CCNB1: variants seen among roughly 807,000 people sequenced by gnomAD.
The protein encoded by CCNB1 is cyclin B1.
In CCNB1, 26 loss-of-function variants were observed where a neutral mutation model predicts 44.4. The ratio of observed to expected loss-of-function variants is 0.59; its 90% CI spans 0.43 to 0.81. The LOEUF is 0.81. Ranked by LOEUF, CCNB1 falls within the 40% of genes least tolerant of loss-of-function variation. CCNB1 has a pLI of 0.00. For missense variants in CCNB1, 477 were observed against 520.9 expected (o/e 0.92, Z 0.82); for synonymous variants, 195 against 181.4 (o/e 1.08, Z -0.60).
chr5:69,177,048 G>A (rs1379007473), intron 7 of CCNB1, 191 bp from the exon 8 acceptor site: 2 of 434,958 alleles, frequency 4.6e-6, no homozygotes, highest in Non-Finnish European at 8.2e-6. Flanking sequence ...AATTACAAAA[G>A]TGCAATTAGG....
rs573291891 is a variant in CCNB1 at position 69,168,443 on chromosome 5, CATTT to C, written c.363+104_363+107del. On this transcript the variant is annotated intron_variant, in intron 3 of 8. Coordinates refer to ENST00000256442, the MANE Select transcript of CCNB1 (RefSeq NM_031966.4). ...TTCAAATGAATAGTAATATTAATACCATTTATTGAGTGCTTAGCATGAGGCAAGC... is the reference window on the plus strand; with the variant it reads ...TTCAAATGAATAGTAATATTAATACCATTGAGTGCTTAGCATGAGGCAAGC... 35 of 1,390,450 alleles carry C rather than the reference CATTT, an allele frequency of 2.5e-5. No individual in the cohort carries two copies. In the South Asian group the frequency reaches 3.9e-4, roughly 16 times the overall value. 86.1% of individuals were successfully genotyped at this position (1,390,450 alleles called of 1,614,324 possible).
At chr5:69,171,244 A>G (rs1351170584) in intron 3 of CCNB1, 26 bp from the exon 4 acceptor site, 24 of 1,578,702 alleles carry the variant, frequency 1.5e-5, no homozygotes, top group East Asian at 1.1e-4. Context: ...TCTATTTGCT[A>G]TTTCAAGATA....
chr5:69,176,526 T>TTA (rs200033469), intron 7 of CCNB1, among the ~76,000 whole-genome samples: 49 of 130,862 alleles, frequency 3.7e-4, no homozygotes, highest in Non-Finnish European at 4.9e-4. Flanking sequence ...CCGGCTAATT[T>TTA]TATATATATA....
In CCNB1 at chr5:69,168,243, T is replaced by C. The variant is rs1481436528; in HGVS notation, c.263T>C (p.Met88Thr). ...KLPKPLEKVP[M>T]LVPVPVSEPV... ...CCAAAACCTCTTGAAAAGGTACCTA[T>C]GCTGGTGCCAGTGCCAGTGTCTGAG... The change falls in exon 3 of 9, where the codon ATG becomes ACG. Residue 88 changes from methionine (M) to threonine (T), a missense_variant. Met to Thr is a moderately conservative substitution (Grantham distance 81). Coordinates refer to ENST00000256442, the MANE Select transcript of CCNB1 (RefSeq NM_031966.4). 1.2e-6 allele frequency: 2 copies of C among 1,614,034 alleles called. No individual in the cohort carries two copies. The highest frequency in any genetic ancestry group is 1.7e-6 in the Non-Finnish European group (2 of 1,179,990).
At chr5:69,172,598 T>A (rs1001647904) in intron 4 of CCNB1, among the ~76,000 whole-genome samples, 2 of 151,958 alleles carry the variant, frequency 1.3e-5, no homozygotes, top group Admixed American at 1.3e-4. Context: ...ATCACTGACA[T>A]GTTCATCTCT....
At position 69,167,973 on chromosome 5, in the gene CCNB1, G is replaced by C. The variant is rs767702393; in HGVS notation, c.87G>C (p.Thr29=). The stretch of plus-strand genomic sequence containing the variant: ...TGGCAGGCGCAAAGCGCGTTCCTAC[G>C]GCCCCTGCTGCAACCTCCAAGCCCG... ...INMAGAKRVP[T]APAATSKPGL... is the part of the protein sequence containing the mutation. The change falls in exon 2 of 9, where the codon ACG becomes ACC. Residue 29 remains threonine (T), a synonymous_variant. Transcript: ENST00000256442. 1.2e-6 allele frequency: 2 copies of C among 1,613,964 alleles called. No individual in the cohort carries two copies. The highest frequency in any genetic ancestry group is 1.3e-5 in the African/African-American group (1 of 74,918).
chr5:69,174,301 A>T lies in CCNB1; in HGVS notation c.597A>T (p.Gly199=). The part of the protein sequence containing the change: ...PKYLLGREVT[G]NMRAILIDWL... ...ACCTACTGGGTCGGGAAGTCACTGG[A>T]AACATGAGAGCCATCCTAATTGACT... is the stretch of plus-strand genomic sequence containing the variant. Residue 199 remains glycine (G), a synonymous_variant, in exon 5 of 9, where the codon GGA becomes GGT. Transcript: ENST00000256442. The T allele has an allele frequency of 3.7e-6, 6 of 1,614,140 alleles. No individual in the cohort carries two copies. The highest frequency in any genetic ancestry group is 1.3e-5 in the African/African-American group (1 of 75,054).
In CCNB1 at chr5:69,175,503, G is replaced by C. The variant is rs1390023258; in HGVS notation, c.1049G>C (p.Cys350Ser). ...PPSQIAAGAF[C>S]LALKILDNGE... is the part of the protein sequence containing the mutation. ...TCTCAAATTGCAGCAGGAGCTTTTTGCTTAGCACTGAAAATTCTGGATAAT... is the reference window on the plus strand; with the variant it reads ...TCTCAAATTGCAGCAGGAGCTTTTTCCTTAGCACTGAAAATTCTGGATAAT... Residue 350 changes from cysteine (C) to serine (S), a missense_variant, in exon 7 of 9, where the codon TGC becomes TCC. Cys to Ser is a moderately radical substitution (Grantham distance 112). Transcript: ENST00000256442. The C allele has an allele frequency of 6.2e-7, 1 of 1,614,016 alleles. No homozygotes were observed. The highest frequency in any genetic ancestry group is 2.2e-5 in the East Asian group (1 of 44,890).
At chr5:69,171,632 A>G (rs543622757) in intron 4 of CCNB1, among the ~76,000 whole-genome samples, 180 bp downstream of exon 4, 8 of 152,300 alleles carry the variant, frequency 5.3e-5, no homozygotes, top group East Asian at 1.9e-4. Context: ...AATGGAGTCT[A>G]TTTGTCACTT....
intron 7 of CCNB1, 78 bp downstream of exon 7, chr5:69,175,615 G>T (rs751175918): frequency 4.1e-5 from 56 of 1,361,394 alleles, no homozygotes; most frequent in Non-Finnish European, 5.5e-5. Flanking sequence ...TTATTAAAAG[G>T]CAATTCAAGT....
chr5:69,167,441 AG>A, intron 1 of CCNB1, 158 bp downstream of exon 1: 1 of 695,418 alleles, frequency 1.4e-6, no homozygotes, highest in Non-Finnish European at 2.5e-6. Context: ...AGGTGGGCCC[AG>A]GCCTGGTGAG....
chr5:69,171,845 A>G (rs550941086), intron 4 of CCNB1, among the ~76,000 whole-genome samples: 1 of 152,330 alleles, frequency 6.6e-6, no homozygotes, highest in African/African-American at 2.4e-5. Flanking sequence ...CCCTAACACA[A>G]GGCATTTTGT....
At chr5:69,169,077 A>G (rs1161804550) in intron 3 of CCNB1, among the ~76,000 whole-genome samples, 1 of 152,046 alleles carries the variant, frequency 6.6e-6, no homozygotes, top group African/African-American at 2.4e-5. Context: ...AATTATCTGA[A>G]AAAAACTTGT....
At chr5:69,172,024 T>C (rs1747470473) in intron 4 of CCNB1, among the ~76,000 whole-genome samples, 1 of 152,250 alleles carries the variant, frequency 6.6e-6, no homozygotes, top group Non-Finnish European at 1.5e-5. Flanking sequence ...TATGGCAGCA[T>C]AAACATAGTA....
chr5:69,174,474 T>G, intron 5 of CCNB1, 65 bp downstream of exon 5: 1 of 1,515,278 alleles, frequency 6.6e-7, no homozygotes, highest in African/African-American at 1.4e-5. Context: ...ACTGATGTTT[T>G]CAGGCCAGTC....
intron 3 of CCNB1, among the ~76,000 whole-genome samples, chr5:69,170,013 G>GA (rs1026046561): frequency 6.6e-6 from 1 of 151,234 alleles, no homozygotes; most frequent in African/African-American, 2.4e-5. Flanking sequence ...ACCCAGGCTG[G>GA]AGCACAATGG....
intron 3 of CCNB1, among the ~76,000 whole-genome samples, chr5:69,171,044 T>G (rs1747447807): frequency 6.6e-6 from 1 of 152,122 alleles, no homozygotes; most frequent in African/African-American, 2.4e-5. Flanking sequence ...AGTGCTGAGA[T>G]TAAAGGTGTG....
At chr5:69,168,624 C>T (rs527519308) in intron 3 of CCNB1, among the ~76,000 whole-genome samples, 44 of 152,332 alleles carry the variant, frequency 2.9e-4, no homozygotes, top group South Asian at 6.2e-4. Context: ...CTCAGGCTGT[C>T]TGGCTTCAGA....
chr5:69,172,754 G>C (rs1401260132), intron 4 of CCNB1, among the ~76,000 whole-genome samples: 1 of 144,408 alleles, frequency 6.9e-6, no homozygotes, highest in South Asian at 2.2e-4. Flanking sequence ...ATTCAATTTA[G>C]TAAATGTGCT....
Sources: gnomAD v4.1 joint callset for allele counts (sites outside exome capture counted in the v4.1 genomes callset) on GRCh38, gnomAD v4.1.1 for gene constraint, MANE v1.5 for transcripts, NCBI Gene and HGNC (gene_info 2026-07-23, HGNC 2026-07-21) for gene names.